The following FAM53A variants were observed in gnomAD, a reference collection of about 807,000 sequenced individuals.
The protein encoded by FAM53A is family with sequence similarity 53 member A, also known as protein FAM53A.
In FAM53A, 28 loss-of-function variants were observed where a neutral mutation model predicts 26.6. The ratio of observed to expected loss-of-function variants is 1.05; its 90% CI spans 0.78 to 1.45. FAM53A has a LOEUF of 1.45. Among genes scored for constraint, FAM53A ranks in the 40% most tolerant of loss-of-function variants. FAM53A has a pLI of 0.00. For synonymous variants in FAM53A, 290 were observed against 253.1 expected (o/e 1.15, Z -1.38); for missense variants, 650 against 575.8 (o/e 1.13, Z -1.32).
chr4:1,640,437 C>T lies in FAM53A; in HGVS notation c.*856G>A, dbSNP rs3752745. 3.4e-3 allele frequency: 966 copies of T among 286,132 alleles called. 49 individuals carry two copies. In the East Asian group the frequency reaches 0.11, roughly 32 times the overall value. The allele number at this position is 286,132 out of a possible 1,614,324, so 17.7% of individuals were successfully genotyped here. On this transcript the variant is annotated 3_prime_UTR_variant, in exon 5 of 5. Transcript: ENST00000308132. Reference sequence around the variant, plus strand: ...AAGGCGCCCTGCACAGCAGGCCTTTCGTGGGGAACACAGACGCATGTTAAT... The same window carrying T: ...AAGGCGCCCTGCACAGCAGGCCTTTTGTGGGGAACACAGACGCATGTTAAT...
chr4:1,610,670 G>T, the FAM53A span, among the ~76,000 whole-genome samples: 3 of 151,992 alleles, frequency 2.0e-5, no homozygotes, highest in Non-Finnish European at 2.9e-5. Context: ...CCTGGGGTGG[G>T]GGACAGAGGC....
chr4:1,584,705 G>A, the FAM53A span, among the ~76,000 whole-genome samples: 1 of 152,226 alleles, frequency 6.6e-6, no homozygotes, highest in Non-Finnish European at 1.5e-5. Context: ...ATGCTTACAT[G>A]TGGCCCCTCC....
chr4:1,581,894 A>ATTT, the FAM53A span, among the ~76,000 whole-genome samples: 9 of 145,362 alleles, frequency 6.2e-5, no homozygotes, highest in South Asian at 2.2e-4. Context: ...CATGCCCAGC[A>ATTT]TTTTTTTTTT....
chr4:1,599,333 G>A, the FAM53A span, among the ~76,000 whole-genome samples: 3 of 152,170 alleles, frequency 2.0e-5, no homozygotes, highest in Non-Finnish European at 4.4e-5. The surrounding 1 kb of genome is among the most constrained non-coding windows in gnomAD (Gnocchi z 6.1). Context: ...GTACTTGGCC[G>A]GAGCAGAAGC....
At chr4:1,599,351 G>A in the FAM53A span, among the ~76,000 whole-genome samples, 3 of 152,226 alleles carry the variant, frequency 2.0e-5, no homozygotes, top group Non-Finnish European at 2.9e-5. This position sits in a 1 kb window ranked among gnomAD's most constrained non-coding sequence, Gnocchi z 6.1. Flanking sequence ...AGCACAGTGG[G>A]ACTCGGGCCA....
At chr4:1,636,237 T>C (rs1221655374), downstream of FAM53A, among the ~76,000 whole-genome samples, 2 of 152,220 alleles carry the variant, frequency 1.3e-5, no homozygotes, top group East Asian at 1.9e-4. Flanking sequence ...CTGAAACTAA[T>C]GTGATTTCCC....
chr4:1,595,853 T>C, the FAM53A span, among the ~76,000 whole-genome samples: 1 of 152,218 alleles, frequency 6.6e-6, no homozygotes, highest in Non-Finnish European at 1.5e-5. Context: ...TCTCTTGTGC[T>C]GTCAGAGGAG....
downstream of FAM53A, among the ~76,000 whole-genome samples, chr4:1,634,930 T>G (rs1715773203): frequency 6.6e-6 from 1 of 151,952 alleles, no homozygotes; most frequent in Non-Finnish European, 1.5e-5. Flanking sequence ...AATAAAATCA[T>G]CTGGGGCTGA....
At chr4:1,617,068 C>A (rs996273035), downstream of FAM53A, among the ~76,000 whole-genome samples, 2 of 120,522 alleles carry the variant, frequency 1.7e-5, 1 homozygote, top group African/African-American at 6.5e-5. Context: ...ACCCAGAGGG[C>A]GGAGGTTGCA....
chr4:1,668,986 C>A, intron 1 of FAM53A, 81 bp from the exon 2 acceptor site: 1 of 494,750 alleles, frequency 2.0e-6, no homozygotes, highest in Non-Finnish European at 3.6e-6. Context: ...GTTGGGTCCC[C>A]TCTGTATAAA....
intron 4 of FAM53A, among the ~76,000 whole-genome samples, chr4:1,652,029 ACGCCACACACACACCACAC>A (rs1407176313): frequency 6.7e-4 from 53 of 79,646 alleles, no homozygotes; most frequent in Admixed American, 3.4e-3. Flanking sequence ...CACACCACAC[ACGCCACACACACACCACAC>A]ACGCCACACA....
intron 2 of FAM53A, among the ~76,000 whole-genome samples, chr4:1,667,877 G>A (rs904870408): frequency 4.6e-5 from 7 of 152,148 alleles, no homozygotes; most frequent in Admixed American, 1.3e-4. Flanking sequence ...TAACTAGGGC[G>A]GGGGGGTCCT....
chr4:1,613,590 C>T (rs918458792), downstream of FAM53A, among the ~76,000 whole-genome samples: 2 of 152,226 alleles, frequency 1.3e-5, no homozygotes, highest in African/African-American at 4.8e-5. Context: ...CTGAGATCCA[C>T]ACCGACGTGC....
intron 4 of FAM53A, among the ~76,000 whole-genome samples, chr4:1,642,440 C>T (rs185056665): frequency 1.4e-4 from 21 of 152,214 alleles, no homozygotes; most frequent in Admixed American, 6.5e-4. Flanking sequence ...CTCTGCCCCC[C>T]GGCTATATCT....
chr4:1,633,012 G>A (rs1001653858), intron 1 of FAM53A, among the ~76,000 whole-genome samples: 1 of 131,992 alleles, frequency 7.6e-6, no homozygotes, highest in African/African-American at 4.1e-5. Context: ...GTGCTCACAC[G>A]CATAGGTACA....
the FAM53A span, among the ~76,000 whole-genome samples, chr4:1,579,101 G>A: frequency 6.6e-6 from 1 of 150,642 alleles, no homozygotes; most frequent in Non-Finnish European, 1.5e-5. Context: ...GCTGCTGGAC[G>A]CCCCTCCCGA....
At chr4:1,645,989 C>T (rs552130836) in intron 4 of FAM53A, among the ~76,000 whole-genome samples, 1 of 152,294 alleles carries the variant, frequency 6.6e-6, no homozygotes, top group South Asian at 2.1e-4. Flanking sequence ...CGTCCTCTAT[C>T]TCCTCCGCCA....
At chr4:1,579,219 C>T in the FAM53A span, among the ~76,000 whole-genome samples, 3 of 150,290 alleles carry the variant, frequency 2.0e-5, no homozygotes. Context: ...CCCCTAGCCG[C>T]CATCCCCGCC....
chr4:1,655,422 A>C lies in FAM53A; in HGVS notation c.438T>G (p.Thr146=). The C allele has an allele frequency of 6.7e-7, 1 of 1,494,456 alleles. No individual in the cohort carries two copies. Among genetic ancestry groups the C allele is most frequent in the Non-Finnish European group, 8.9e-7 (1 of 1,122,968 alleles). The allele number at this position is 1,494,456 out of a possible 1,614,324, so 92.6% of individuals were successfully genotyped here. A position where few individuals can be genotyped will look rare whatever the true frequency, so the allele number is the denominator to read the frequency against. The stretch of plus-strand genomic sequence containing the variant: ...TGTCGCACCGCCTCTTGGAGACTGG[A>C]GTCCAGACCTTGGAGCTGCCGGGGC... ...PWRPGSSKVW[T]PVSKRRCDSG... Residue 146 remains threonine (T), a synonymous_variant, in exon 4 of 5, where the codon ACT becomes ACG. Coordinates refer to ENST00000308132, the MANE Select transcript of FAM53A (RefSeq NM_001174070.3).
Sources: gnomAD v4.1 joint callset for allele counts (sites outside exome capture counted in the v4.1 genomes callset) on GRCh38, gnomAD v4.1.1 for gene constraint, Gnocchi (gnomAD v3.1) non-coding constraint, MANE v1.5 for transcripts, NCBI Gene and HGNC (gene_info 2026-07-23, HGNC 2026-07-21) for gene names.